LRRC4C: variants seen among roughly 807,000 people sequenced by gnomAD.
LRRC4C encodes the protein leucine-rich repeat-containing protein 4C.
Under a neutral mutation model 33.6 loss-of-function variants are expected in LRRC4C, and 5 were observed. That is an observed-to-expected ratio of 0.15 (90% confidence interval 0.08 to 0.31). The LOEUF (loss-of-function observed/expected upper bound fraction) is 0.31. LRRC4C is among the 10% of genes least tolerant of loss of function. The probability of loss-of-function intolerance (pLI) is 1.00; values close to 1 mark genes in which losing one functional copy is unlikely to be tolerated. For synonymous variants in LRRC4C, 329 were observed against 302.0 expected, an observed-to-expected ratio of 1.09 and a Z score of -0.93; for missense variants, 560 against 796.7, an observed-to-expected ratio of 0.70 and a Z score of 3.58.
intron 3 of LRRC4C, among the ~76,000 whole-genome samples, chr11:40,459,226 A>G (rs1171473958): frequency 2.6e-5 from 4 of 152,156 alleles, no homozygotes; most frequent in Non-Finnish European, 5.9e-5. Flanking sequence ...TCCTGTTACT[A>G]TTGAGTCCAA....
chr11:40,599,498 A>C (rs966268414), intron 3 of LRRC4C, among the ~76,000 whole-genome samples: 1 of 152,068 alleles, frequency 6.6e-6, no homozygotes, highest in Non-Finnish European at 1.5e-5. Flanking sequence ...TCTATTTATT[A>C]GTCATTATCA....
chr11:41,150,311 G>A (rs893810683), intron 1 of LRRC4C, among the ~76,000 whole-genome samples: 1 of 152,162 alleles, frequency 6.6e-6, no homozygotes, highest in African/African-American at 2.4e-5. Context: ...TTTACAGCAG[G>A]TTCTTAGAAA....
chr11:41,347,544 A>C (rs1437928707), intron 1 of LRRC4C, among the ~76,000 whole-genome samples: 1 of 152,240 alleles, frequency 6.6e-6, no homozygotes, highest in Non-Finnish European at 1.5e-5. Context: ...ACAAAATTTC[A>C]GAGAACTTTG....
chr11:40,591,799 T>C (rs983752913), intron 3 of LRRC4C, among the ~76,000 whole-genome samples: 5 of 152,226 alleles, frequency 3.3e-5, no homozygotes, highest in Non-Finnish European at 7.3e-5. Flanking sequence ...TGTAAATGCC[T>C]ATATTAAGGA....
Position 41,198,191 on chromosome 11 carries a change from A to T in LRRC4C, c.-496+261240T>A, listed in dbSNP as rs563167577. On this transcript the variant is annotated intron_variant, in intron 1 of 6. Transcript: ENST00000528697. ...TTTGAACCATTAAAACCATACTATTATTCCATTGTATGCAATTCAGTGGCT... is the reference window on the plus strand; with the variant it reads ...TTTGAACCATTAAAACCATACTATTTTTCCATTGTATGCAATTCAGTGGCT... Among the ~76,000 whole-genome samples the T allele has an allele frequency of 5.3e-5, 8 of 152,132 alleles. No homozygotes were observed. The East Asian group carries it at 1.5e-3, about 29-fold the overall frequency.
At chr11:40,454,706 C>G (rs1222741009) in intron 3 of LRRC4C, among the ~76,000 whole-genome samples, 2 of 152,188 alleles carry the variant, frequency 1.3e-5, no homozygotes, top group Non-Finnish European at 2.9e-5. Flanking sequence ...TCATTCCTCT[C>G]TACCCCTGCA....
intron 4 of LRRC4C, among the ~76,000 whole-genome samples, chr11:40,252,406 A>G (rs1301902065): frequency 6.6e-6 from 1 of 151,954 alleles, no homozygotes; most frequent in African/African-American, 2.4e-5. Flanking sequence ...AGAGTACCCC[A>G]CGAAACAGAG....
intron 1 of LRRC4C, among the ~76,000 whole-genome samples, chr11:41,418,989 A>G (rs1376691502): frequency 6.6e-6 from 1 of 151,922 alleles, no homozygotes; most frequent in African/African-American, 2.4e-5. Flanking sequence ...TTAGATATCT[A>G]ATATGCCCAG....
chr11:41,156,326 C>A (rs1294129217), intron 1 of LRRC4C, among the ~76,000 whole-genome samples: 1 of 152,126 alleles, frequency 6.6e-6, no homozygotes, highest in East Asian at 1.9e-4. Context: ...TTCTCTAATA[C>A]TATTAGATAT....
chr11:40,209,438 A>G (rs928303176), intron 5 of LRRC4C, among the ~76,000 whole-genome samples: 1 of 152,226 alleles, frequency 6.6e-6, no homozygotes, highest in Non-Finnish European at 1.5e-5. Flanking sequence ...GAAATAATCA[A>G]TCTTGGAGAG....
At chr11:40,888,189 C>A (rs752805165) in intron 2 of LRRC4C, among the ~76,000 whole-genome samples, 1 of 151,592 alleles carries the variant, frequency 6.6e-6, no homozygotes, top group Admixed American at 6.6e-5. Flanking sequence ...TCTTGTTCTC[C>A]GGAAATAAAT....
intron 2 of LRRC4C, among the ~76,000 whole-genome samples, chr11:40,666,363 T>C (rs1195260956): frequency 6.6e-6 from 1 of 152,174 alleles, no homozygotes; most frequent in Admixed American, 6.5e-5. Context: ...GGATAGTAGT[T>C]ACTTCTATCC....
intron 5 of LRRC4C, among the ~76,000 whole-genome samples, chr11:40,234,909 G>A (rs1386505639): frequency 3.9e-5 from 6 of 152,172 alleles, no homozygotes; most frequent in Non-Finnish European, 4.4e-5. Context: ...TTTGCCCAAT[G>A]CCCTATAGGT....
chr11:40,911,826 A>G (rs574782960), intron 2 of LRRC4C, among the ~76,000 whole-genome samples: 1 of 152,338 alleles, frequency 6.6e-6, no homozygotes, highest in East Asian at 1.9e-4. Flanking sequence ...GCTAACTAGA[A>G]TAACCAATGC....
intron 1 of LRRC4C, among the ~76,000 whole-genome samples, chr11:41,275,022 C>T (rs1482730655): frequency 6.6e-6 from 1 of 152,036 alleles, no homozygotes; most frequent in Non-Finnish European, 1.5e-5. Flanking sequence ...AGTGAGTTCT[C>T]ACTTTCTGGG....
intron 1 of LRRC4C, among the ~76,000 whole-genome samples, chr11:41,382,797 T>C (rs1953205251): frequency 6.6e-6 from 1 of 151,938 alleles, no homozygotes; most frequent in Non-Finnish European, 1.5e-5. Context: ...GCAACATAGG[T>C]TTGCAAGCTG....
Position 40,114,270 on chromosome 11 carries a change from A to C in LRRC4C, c.*100T>G. The C allele has an allele frequency of 7.8e-7, 1 of 1,284,780 alleles. No homozygotes were observed. The highest frequency in any genetic ancestry group is 1.0e-6 in the Non-Finnish European group (1 of 962,394). The allele number at this position is 1,284,780 out of a possible 1,614,324, so 79.6% of individuals were successfully genotyped here. Reference sequence around the variant, plus strand: ...TTTTCTTTTTTGTTTTTTTGTAAAGACACTTTTTTGAAACAGTAGATTTAG... The same window carrying C: ...TTTTCTTTTTTGTTTTTTTGTAAAGCCACTTTTTTGAAACAGTAGATTTAG... On this transcript the variant is annotated 3_prime_UTR_variant, in exon 7 of 7. Transcript: ENST00000528697.
intron 2 of LRRC4C, among the ~76,000 whole-genome samples, chr11:40,746,079 C>A (rs900370908): frequency 6.6e-6 from 1 of 152,116 alleles, no homozygotes; most frequent in Non-Finnish European, 1.5e-5. Context: ...GAGGAGGAAG[C>A]AAGGCAACCT....
At chr11:40,766,477 G>T (rs1248740536) in intron 2 of LRRC4C, among the ~76,000 whole-genome samples, 1 of 150,822 alleles carries the variant, frequency 6.6e-6, no homozygotes, top group Non-Finnish European at 1.5e-5. Flanking sequence ...CTGTAATTGT[G>T]GTGTATAACC....
Sources: allele counts gnomAD v4.1 joint callset (sites outside exome capture counted in the v4.1 genomes callset), GRCh38; gene constraint gnomAD v4.1.1; transcripts MANE v1.5; gene names NCBI Gene and HGNC (gene_info 2026-07-23, HGNC 2026-07-21).